Variants in QRFPR observed in about 807,000 individuals in gnomAD.
QRFPR encodes pyroglutamylated RFamide peptide receptor.
A neutral mutation model predicts 31.3 loss-of-function variants in QRFPR; 37 were observed. The observed-to-expected ratio is 1.18, with a 90% CI of 0.91 to 1.56. The LOEUF is 1.56. Among genes scored for constraint, QRFPR ranks in the 40% most tolerant of loss-of-function variants. The pLI is 0.00. For synonymous variants in QRFPR, 197 were observed against 192.0 expected (o/e 1.03, Z -0.22); for missense variants, 542 against 532.5 (o/e 1.02, Z -0.18).
chr4:121,365,583 A>T (rs1187661523), intron 1 of QRFPR, among the ~76,000 whole-genome samples: 13 of 2,912 alleles, frequency 4.5e-3, no homozygotes, highest in Admixed American at 0.023. Context: ...AATATATATT[A>T]TATATATTAT....
intron 3 of QRFPR, among the ~76,000 whole-genome samples, chr4:121,335,442 T>A (rs1398768834): frequency 6.6e-6 from 1 of 151,730 alleles, no homozygotes; most frequent in Non-Finnish European, 1.5e-5. Flanking sequence ...CTTTGAGAAG[T>A]CCTGAAGCAA....
At chr4:121,357,904 T>C in intron 1 of QRFPR, among the ~76,000 whole-genome samples, 1 of 152,156 alleles carries the variant, frequency 6.6e-6, no homozygotes, top group East Asian at 1.9e-4. Context: ...TTATTTTATA[T>C]TCTATCTTCT....
At chr4:121,372,633 A>G (rs1434706295) in intron 1 of QRFPR, among the ~76,000 whole-genome samples, 2 of 152,126 alleles carry the variant, frequency 1.3e-5, no homozygotes, top group Non-Finnish European at 2.9e-5. Flanking sequence ...TGTCTCTATG[A>G]CTTTGCTTAT....
intron 1 of QRFPR, among the ~76,000 whole-genome samples, chr4:121,358,007 C>T (rs1477740204): frequency 6.6e-6 from 1 of 152,138 alleles, no homozygotes; most frequent in Non-Finnish European, 1.5e-5. Flanking sequence ...TATACTCTCC[C>T]ACCTCCTCTT....
At chr4:121,340,885 A>G (rs1725530915) in intron 1 of QRFPR, among the ~76,000 whole-genome samples, 1 of 152,204 alleles carries the variant, frequency 6.6e-6, no homozygotes, top group African/African-American at 2.4e-5. Context: ...AGTGGAAAAA[A>G]AGCAATATGA....
chr4:121,369,621 C>T (rs1726194869), intron 1 of QRFPR: 4 of 1,609,846 alleles, frequency 2.5e-6, no homozygotes, highest in Middle Eastern at 2.2e-4. Context: ...CCTCGGTAGG[C>T]CTGGGTGGCA....
chr4:121,365,543 TATATATAATATATA>T (rs1553947881), intron 1 of QRFPR, among the ~76,000 whole-genome samples: 223 of 3,442 alleles, frequency 0.065, 18 homozygotes, highest in Non-Finnish European at 0.086. Context: ...TAATATATAT[TATATATAATATATA>T]ATATATATTA....
chr4:121,337,920 C>A (rs1725464699), intron 2 of QRFPR, among the ~76,000 whole-genome samples: 1 of 152,162 alleles, frequency 6.6e-6, no homozygotes, highest in Non-Finnish European at 1.5e-5. Flanking sequence ...CCAAGGGCCC[C>A]AACTTTGATT....
chr4:121,333,003 C>A lies in QRFPR; in HGVS notation c.615G>T (p.Trp205Cys), dbSNP rs995397062. Residue 205 changes from tryptophan (W) to cysteine (C), a missense_variant, in exon 4 of 6, where the codon TGG becomes TGT. By Grantham distance (215) the Trp-to-Cys change is radical. Coordinates refer to ENST00000394427, the MANE Select transcript of QRFPR (RefSeq NM_198179.3). ...AGATCTTCTGGTGCACAGGGCTGGT[C>A]CACTCTTCTAAGCAGCAGATGTGTT... ...EKEHICCLEE[W>C]TSPVHQKIYT... 6.4e-7 allele frequency: 1 copy of A among 1,564,822 alleles called. No homozygotes were observed. The highest frequency in any genetic ancestry group is 8.6e-7 in the Non-Finnish European group (1 of 1,157,338).
Position 121,340,577 on chromosome 4 carries a change from T to A in QRFPR, c.374A>T (p.Gln125Leu). 6.2e-7 allele frequency: 1 copy of A among 1,613,896 alleles called. No individual in the cohort carries two copies. The highest frequency in any genetic ancestry group is 8.5e-7 in the Non-Finnish European group (1 of 1,179,850). The change falls in exon 2 of 6, where the codon CAG becomes CTG. Residue 125 changes from glutamine to leucine, a missense_variant. By Grantham distance (113) the Gln-to-Leu change is moderately radical. Transcript: ENST00000394427. ...GATTTCTGTCACAACAGCGGTAGAC[T>A]GGACAAATGGCACCATCTTGCAAAT... ...AFICKMVPFV[Q>L]STAVVTEILT... is the part of the protein sequence containing the mutation.
intron 1 of QRFPR, among the ~76,000 whole-genome samples, chr4:121,360,379 G>A (rs187530152): frequency 2.3e-4 from 35 of 152,206 alleles, no homozygotes; most frequent in Middle Eastern, 3.4e-3. Flanking sequence ...TGCAAACACC[G>A]ATTCTTCCAG....
intron 3 of QRFPR, among the ~76,000 whole-genome samples, chr4:121,333,676 G>A (rs112476578): frequency 0.016 from 2,435 of 152,176 alleles, 72 homozygotes; most frequent in African/African-American, 0.055. Flanking sequence ...TGGTTTATTC[G>A]TACTATTTCT....
chr4:121,336,730 G>A, intron 3 of QRFPR, 77 bp downstream of exon 3: 2 of 1,193,816 alleles, frequency 1.7e-6, no homozygotes, highest in Non-Finnish European at 2.5e-6. Flanking sequence ...TGCTCCTGCA[G>A]GAAGGAAAAT....
chr4:121,377,154 T>C (rs190487736), intron 1 of QRFPR, among the ~76,000 whole-genome samples: 1 of 152,296 alleles, frequency 6.6e-6, no homozygotes, highest in African/African-American at 2.4e-5. Flanking sequence ...GACTTAGAAG[T>C]CAGCATCATA....
At chr4:121,355,614 G>C (rs1278451364) in intron 1 of QRFPR, among the ~76,000 whole-genome samples, 1 of 151,784 alleles carries the variant, frequency 6.6e-6, no homozygotes, top group African/African-American at 2.4e-5. Context: ...GGTTTGGTTT[G>C]TTCTTGTCTT....
chr4:121,346,377 G>A (rs1327897809), intron 1 of QRFPR, among the ~76,000 whole-genome samples: 3 of 152,196 alleles, frequency 2.0e-5, no homozygotes, highest in Admixed American at 6.5e-5. Flanking sequence ...ATATAGAAAC[G>A]TGATTGTGTC....
intron 1 of QRFPR, among the ~76,000 whole-genome samples, chr4:121,373,307 T>G (rs1726287653): frequency 6.6e-6 from 1 of 152,218 alleles, no homozygotes; most frequent in Admixed American, 6.5e-5. Context: ...CTGTTGCTGT[T>G]ACTGCCACTC....
chr4:121,380,275 A>G, intron 1 of QRFPR, 33 bp downstream of exon 1: 2 of 1,518,362 alleles, frequency 1.3e-6, no homozygotes, highest in Middle Eastern at 3.4e-4. Flanking sequence ...GGGTTAAGAG[A>G]GAAGGAGCGA....
intron 3 of QRFPR, among the ~76,000 whole-genome samples, chr4:121,333,363 G>A (rs977551676): frequency 6.6e-5 from 10 of 151,972 alleles, no homozygotes; most frequent in Admixed American, 5.9e-4. Flanking sequence ...GTTTTCAATC[G>A]ACTGAAAGAG....
Sources: allele counts gnomAD v4.1 joint callset (sites outside exome capture counted in the v4.1 genomes callset), GRCh38; gene constraint gnomAD v4.1.1; transcripts MANE v1.5; gene names NCBI Gene and HGNC (gene_info 2026-07-23, HGNC 2026-07-21).